Variants in RTN1 observed in about 807,000 individuals in gnomAD.
RTN1 encodes reticulon-1.
In RTN1, 25 loss-of-function variants were observed where a neutral mutation model predicts 65.5. The ratio of observed to expected loss-of-function variants is 0.38; its 90% confidence interval spans 0.28 to 0.53. The LOEUF (loss-of-function observed/expected upper bound fraction) is 0.53, where lower values mean the gene tolerates loss of function less well. RTN1 is among the 20% of genes least tolerant of loss of function. The pLI is 0.79. For synonymous variants in RTN1, 471 were observed against 447.6 expected (o/e 1.05, Z -0.66); for missense variants, 983 against 1,025.4 (o/e 0.96, Z 0.57).
intron 3 of RTN1, among the ~76,000 whole-genome samples, chr14:59,614,589 T>A (rs1445069121): frequency 1.3e-5 from 2 of 152,210 alleles, no homozygotes; most frequent in African/African-American, 4.8e-5. Flanking sequence ...GTCTTGAAAA[T>A]GTAGACATTT....
intron 1 of RTN1, among the ~76,000 whole-genome samples, chr14:59,764,472 T>A (rs2350014): frequency 2.0e-5 from 3 of 151,700 alleles, no homozygotes; most frequent in Non-Finnish European, 4.4e-5. Flanking sequence ...AGGCGCCTGC[T>A]ACCATGCCCA....
At chr14:59,805,904 C>A (rs1886627316) in intron 1 of RTN1, among the ~76,000 whole-genome samples, 1 of 152,030 alleles carries the variant, frequency 6.6e-6, no homozygotes. Flanking sequence ...AAAATTGGGA[C>A]CAGAGGATGT....
At chr14:59,783,302 G>A (rs376197045) in intron 1 of RTN1, among the ~76,000 whole-genome samples, 16 of 152,168 alleles carry the variant, frequency 1.1e-4, no homozygotes, top group African/African-American at 2.9e-4. Context: ...GGGGTGGGGC[G>A]TAGAGAGGGA....
intron 1 of RTN1, among the ~76,000 whole-genome samples, chr14:59,813,351 G>A (rs960936158): frequency 3.9e-5 from 6 of 152,110 alleles, no homozygotes; most frequent in African/African-American, 1.4e-4. Flanking sequence ...TGTATTAAAA[G>A]CATCACTCCC....
intron 3 of RTN1, among the ~76,000 whole-genome samples, chr14:59,693,615 T>A (rs1342123121): frequency 6.6e-6 from 1 of 152,192 alleles, no homozygotes; most frequent in African/African-American, 2.4e-5. Context: ...AATGTTTGGT[T>A]TTCCATTCCC....
intron 1 of RTN1, among the ~76,000 whole-genome samples, chr14:59,822,973 T>C (rs1886969010): frequency 6.6e-6 from 1 of 152,124 alleles, no homozygotes; most frequent in Non-Finnish European, 1.5e-5. Flanking sequence ...AGAATGTATA[T>C]TCTGTTGCTG....
chr14:59,741,830 T>C (rs985067980), intron 2 of RTN1, among the ~76,000 whole-genome samples: 2 of 152,218 alleles, frequency 1.3e-5, no homozygotes, highest in African/African-American at 2.4e-5. Context: ...AGCTTCTCTC[T>C]GAACTGTGGG....
intron 1 of RTN1, among the ~76,000 whole-genome samples, chr14:59,750,237 T>C (rs867929930): frequency 4.8e-5 from 3 of 61,962 alleles, no homozygotes; most frequent in South Asian, 4.7e-4. Flanking sequence ...ATAATATATA[T>C]ATTATATCTA....
chr14:59,730,343 C>A (rs544202379), intron 2 of RTN1, among the ~76,000 whole-genome samples: 1 of 152,250 alleles, frequency 6.6e-6, no homozygotes, highest in South Asian at 2.1e-4. Flanking sequence ...TGAAATTAAA[C>A]CCCTACCTCA....
chr14:59,677,151 C>G (rs1355850426), intron 3 of RTN1, among the ~76,000 whole-genome samples: 1 of 152,246 alleles, frequency 6.6e-6, no homozygotes, highest in African/African-American at 2.4e-5. Context: ...TGACCCTCTT[C>G]TTCCAGGACC....
chr14:59,727,510 G>C lies in RTN1; in HGVS notation c.1174C>G (p.Pro392Ala). The stretch of plus-strand genomic sequence containing the variant: ...TCCAGGGGGCTGGGGATGGTTGGCG[G>C]TCCGGACCTGGCCTTGACCTCGGGC... ...DRPEVKARSG[P>A]PTIPSPLDHE... The change falls in exon 3 of 9, where the codon CCG becomes GCG. Residue 392 changes from proline to alanine, a missense_variant. Pro to Ala is a conservative substitution (Grantham distance 27). Around this residue, in one of 2 missense-constraint regions of RTN1, gnomAD observed 818 missense variants for 801.8 expected, o/e 1.02. Coordinates refer to ENST00000267484, the MANE Select transcript of RTN1 (RefSeq NM_021136.3). This position sits in a 1 kb window ranked among gnomAD's most constrained non-coding sequence, Gnocchi z 4.2. 1 of 1,600,208 alleles carries C rather than the reference G, an allele frequency of 6.2e-7. No individual in the cohort carries two copies.
intron 1 of RTN1, among the ~76,000 whole-genome samples, chr14:59,801,263 A>G (rs564978584): frequency 4.6e-5 from 7 of 152,360 alleles, no homozygotes; most frequent in Middle Eastern, 3.4e-3. Flanking sequence ...GACTCCAAGC[A>G]GGTAAAACAA....
intron 1 of RTN1, among the ~76,000 whole-genome samples, chr14:59,752,942 G>C (rs1010617257): frequency 6.6e-6 from 1 of 152,206 alleles, no homozygotes; most frequent in African/African-American, 2.4e-5. Context: ...CACAGGCAGA[G>C]AGAGACCCAG....
rs148885328 is a variant in RTN1 at position 59,818,605 on chromosome 14, G to A, written c.241+51785C>T. Among the ~76,000 whole-genome samples the A allele has an allele frequency of 4.9e-3, 739 of 152,112 alleles. 6 individuals are homozygous for A. Among genetic ancestry groups the A allele is most frequent in the African/African-American group, 0.017 (687 of 41,476 alleles). On this transcript the variant is annotated intron_variant, in intron 1 of 8. Transcript: ENST00000267484. ...ATTGATTCCATGTCTTTGTCATCGCGAATAGTATGATGATGAACATATGAG... is the reference window on the plus strand; with the variant it reads ...ATTGATTCCATGTCTTTGTCATCGCAAATAGTATGATGATGAACATATGAG...
At chr14:59,716,996 A>C (rs906454446) in intron 3 of RTN1, among the ~76,000 whole-genome samples, 15 of 151,772 alleles carry the variant, frequency 9.9e-5, no homozygotes, top group South Asian at 2.1e-4. Context: ...CAAAAAAAAA[A>C]AAAAAAAGAA....
At chr14:59,703,800 A>C (rs1254461643) in intron 3 of RTN1, among the ~76,000 whole-genome samples, 1 of 152,182 alleles carries the variant, frequency 6.6e-6, no homozygotes, top group Non-Finnish European at 1.5e-5. Flanking sequence ...ATCTATCTAT[A>C]TGGAATGATG....
At chr14:59,640,965 C>T (rs757107326) in intron 3 of RTN1, among the ~76,000 whole-genome samples, 23 of 151,440 alleles carry the variant, frequency 1.5e-4, no homozygotes, top group Admixed American at 4.6e-4. Context: ...TTTCACTTTC[C>T]TTCCTTTCCT....
In RTN1 at chr14:59,746,236, T is replaced by A. The variant is rs753268751; in HGVS notation, c.487A>T (p.Ser163Cys). Residue 163 changes from serine to cysteine, a missense_variant, in exon 2 of 9, where the codon AGT becomes TGT. This residue lies in a region of RTN1 where 818 missense variants were observed against 801.8 expected (regional missense o/e 1.02). Coordinates refer to ENST00000267484, the MANE Select transcript of RTN1 (RefSeq NM_021136.3). The part of the protein sequence containing the change: ...VPGIESRGLF[S>C]SDSGIEMTPA... ...GTCATCTCTATTCCAGAATCAGAACTAAATAAGCCACGAGACTCTATCCCA... is the reference window on the plus strand; with the variant it reads ...GTCATCTCTATTCCAGAATCAGAACAAAATAAGCCACGAGACTCTATCCCA... 1 of 1,612,910 alleles carries A rather than the reference T, an allele frequency of 6.2e-7. No homozygotes were observed. The highest frequency in any genetic ancestry group is 8.5e-7 in the Non-Finnish European group (1 of 1,179,498).
chr14:59,602,965 AATCT>A (rs1185419838), intron 8 of RTN1, 96 bp downstream of exon 8: 2 of 810,440 alleles, frequency 2.5e-6, no homozygotes, highest in Non-Finnish European at 4.0e-6. Context: ...ACCATAAATC[AATCT>A]ATCATTTTAC....
Sources: allele counts gnomAD v4.1 joint callset (sites outside exome capture counted in the v4.1 genomes callset), GRCh38; gene constraint gnomAD v4.1.1; regional missense constraint gnomAD v4.1.1; non-coding constraint Gnocchi (gnomAD v3.1); transcripts MANE v1.5; gene names NCBI Gene and HGNC (gene_info 2026-07-23, HGNC 2026-07-21).